Variants in NCALD observed in about 807,000 individuals in gnomAD.
The protein encoded by NCALD is neurocalcin-delta.
A neutral mutation model predicts 18.6 loss-of-function variants in NCALD; 10 were observed. The ratio of observed to expected loss-of-function variants is 0.54; its 90% CI spans 0.33 to 0.91. The LOEUF is 0.91. Ranked by LOEUF, NCALD falls within the 40% of genes least tolerant of loss-of-function variation. The probability of loss-of-function intolerance (pLI) is 0.03; values close to 1 mark genes in which losing one functional copy is unlikely to be tolerated. For synonymous variants in NCALD, 88 were observed against 87.4 expected (o/e 1.01, Z -0.04); for missense variants, 184 against 247.6 (o/e 0.74, Z 1.72).
chr8:101,826,216 A>G (rs1813931061), intron 4 of NCALD, among the ~76,000 whole-genome samples: 2 of 152,222 alleles, frequency 1.3e-5, no homozygotes, highest in Admixed American at 1.3e-4. Context: ...TTCATAGTCC[A>G]CCTAAGAAGA....
chr8:101,939,810 G>A (rs913228810), intron 2 of NCALD, among the ~76,000 whole-genome samples: 3 of 152,160 alleles, frequency 2.0e-5, no homozygotes, highest in African/African-American at 7.2e-5. Context: ...ATCTGATAAT[G>A]TCTTTTGATC....
intron 4 of NCALD, among the ~76,000 whole-genome samples, chr8:101,870,352 G>C (rs1815954365): frequency 6.6e-6 from 1 of 152,106 alleles, no homozygotes; most frequent in Admixed American, 6.5e-5. Context: ...TTATCTTAGG[G>C]GATTCTGTTA....
intron 3 of NCALD, among the ~76,000 whole-genome samples, chr8:101,902,337 G>T (rs904556199): frequency 2.7e-5 from 4 of 148,812 alleles, no homozygotes; most frequent in African/African-American, 9.8e-5. Flanking sequence ...AGTAAGAAAA[G>T]AATGCAAAAA....
chr8:101,799,933 G>A (rs1356985195), intron 4 of NCALD, among the ~76,000 whole-genome samples: 1 of 152,150 alleles, frequency 6.6e-6, no homozygotes, highest in Non-Finnish European at 1.5e-5. Flanking sequence ...ATGGGTAAAA[G>A]GCATATGGGT....
intron 2 of NCALD, among the ~76,000 whole-genome samples, chr8:101,703,261 T>C (rs924428424): frequency 7.2e-5 from 11 of 152,226 alleles, no homozygotes; most frequent in African/African-American, 2.7e-4. Context: ...AGATATTGTC[T>C]TATTCATCTT....
At chr8:102,041,839 G>A (rs1165717418) in intron 1 of NCALD, among the ~76,000 whole-genome samples, 1 of 150,988 alleles carries the variant, frequency 6.6e-6, no homozygotes, top group Non-Finnish European at 1.5e-5. Flanking sequence ...TCAGCTGCTA[G>A]CACTCAATTA....
chr8:101,919,274 C>T (rs1414885174), intron 2 of NCALD, among the ~76,000 whole-genome samples: 1 of 152,008 alleles, frequency 6.6e-6, no homozygotes, highest in Non-Finnish European at 1.5e-5. Flanking sequence ...AAAGAAGCAT[C>T]GGGGAAAGGA....
chr8:101,962,531 T>C (rs1819872963), intron 2 of NCALD, among the ~76,000 whole-genome samples: 1 of 152,160 alleles, frequency 6.6e-6, no homozygotes, highest in African/African-American at 2.4e-5. Flanking sequence ...ACAAATTCAG[T>C]GGCAGAAAGA....
intron 1 of NCALD, among the ~76,000 whole-genome samples, chr8:102,090,237 T>C (rs2132370476): frequency 6.6e-6 from 1 of 152,344 alleles, no homozygotes; most frequent in East Asian, 1.9e-4. Context: ...GTGTATGTTA[T>C]CAAAGTTATA....
intron 4 of NCALD, among the ~76,000 whole-genome samples, chr8:101,810,263 C>T (rs1225919573): frequency 2.0e-5 from 3 of 152,160 alleles, no homozygotes; most frequent in Admixed American, 6.5e-5. Context: ...TACTTAACCC[C>T]TTTATGCCTT....
intron 1 of NCALD, among the ~76,000 whole-genome samples, chr8:102,097,869 C>T (rs1428768759): frequency 6.6e-6 from 1 of 152,164 alleles, no homozygotes; most frequent in Non-Finnish European, 1.5e-5. Context: ...TTTCTTATTT[C>T]CTTGAACTCT....
At chr8:102,115,461 G>C (rs551393033) in intron 1 of NCALD, among the ~76,000 whole-genome samples, 5 of 152,118 alleles carry the variant, frequency 3.3e-5, no homozygotes, top group Non-Finnish European at 5.9e-5. Flanking sequence ...CAGTTAATGC[G>C]ATCAATGCAG....
intron 2 of NCALD, among the ~76,000 whole-genome samples, chr8:101,988,166 A>G (rs1820896303): frequency 8.7e-6 from 1 of 114,854 alleles, no homozygotes; most frequent in Non-Finnish European, 1.7e-5. Context: ...AAAAAAAAAA[A>G]AGAAAAAAAA....
intron 2 of NCALD, among the ~76,000 whole-genome samples, chr8:101,697,099 A>G (rs1048407153): frequency 1.2e-4 from 19 of 152,340 alleles, no homozygotes; most frequent in Admixed American, 1.3e-4. Flanking sequence ...ACAATAAAAA[A>G]TGATAAAGGG....
chr8:102,048,844 A>C (rs367617396), intron 1 of NCALD, among the ~76,000 whole-genome samples: 1 of 152,296 alleles, frequency 6.6e-6, no homozygotes, highest in Admixed American at 6.5e-5. Flanking sequence ...AAACAGAACT[A>C]AAGACTTAGT....
chr8:101,950,434 G>C (rs576785805), intron 2 of NCALD: 1 of 152,246 alleles, frequency 6.6e-6, no homozygotes, highest in Non-Finnish European at 1.5e-5. Context: ...AGATTCATTG[G>C]ATGTCTTCTT....
At chr8:101,934,308 G>C (rs1442799184) in intron 2 of NCALD, among the ~76,000 whole-genome samples, 1 of 152,110 alleles carries the variant, frequency 6.6e-6, no homozygotes, top group Non-Finnish European at 1.5e-5. Flanking sequence ...GGGAGTAATA[G>C]CTAAATGGGT....
intron 4 of NCALD, among the ~76,000 whole-genome samples, chr8:101,836,508 T>C (rs1357911587): frequency 6.6e-6 from 1 of 152,176 alleles, no homozygotes. Flanking sequence ...GGGGATCCCT[T>C]TGAGATTTGA....
intron 2 of NCALD, among the ~76,000 whole-genome samples, chr8:101,978,070 T>C (rs1279452231): frequency 1.3e-5 from 2 of 151,714 alleles, no homozygotes; most frequent in African/African-American, 4.8e-5. Context: ...ATGTGCCTCG[T>C]CCATACAGCA....
Sources: allele counts gnomAD v4.1 joint callset (sites outside exome capture counted in the v4.1 genomes callset), GRCh38; gene constraint gnomAD v4.1.1; transcripts MANE v1.5; gene names NCBI Gene and HGNC (gene_info 2026-07-23, HGNC 2026-07-21).